Variants in SPATA22 observed in about 807,000 individuals in gnomAD.
SPATA22 encodes spermatogenesis associated 22, also known as spermatogenesis-associated protein 22.
Under a neutral mutation model 47.8 loss-of-function variants are expected in SPATA22, and 29 were observed. The observed-to-expected ratio is 0.61, with a 90% CI of 0.45 to 0.83. The LOEUF (loss-of-function observed/expected upper bound fraction) is 0.83, where lower values mean the gene tolerates loss of function less well. SPATA22 is among the 40% of genes least tolerant of loss of function. The pLI, the probability that SPATA22 is intolerant of heterozygous loss-of-function variation, is 0.00. For synonymous variants in SPATA22, 133 were observed against 140.9 expected (o/e 0.94, Z 0.40); for missense variants, 410 against 421.7 (o/e 0.97, Z 0.24).
rs544964870 is a variant in SPATA22, at chr17:3,489,400, T to C, written c.-73-20002A>G. 4.1e-5 allele frequency: 57 copies of C among 1,393,970 alleles called. No individual in the cohort carries two copies. In the African/African-American group the frequency reaches 6.4e-4, roughly 16 times the overall value. 86.4% of individuals were successfully genotyped at this position (1,393,970 alleles called of 1,614,324 possible). A position where few individuals can be genotyped will look rare whatever the true frequency, so the allele number is the denominator to read the frequency against. On this transcript the variant is annotated intron_variant, in intron 1 of 8. Transcript: ENST00000541913. ...TAACCACCAAACATTTAAATAACAA[T>C]TGGAACCTGGGTCAGATTTGCCATG...
intron 5 of SPATA22, among the ~76,000 whole-genome samples, chr17:3,460,792 C>CAAA (rs71379504): frequency 2.9e-4 from 17 of 59,646 alleles, no homozygotes; most frequent in Middle Eastern, 9.1e-3. Flanking sequence ...GATCCAGTCT[C>CAAA]AAAAAAAAAA....
intron 1 of SPATA22, among the ~76,000 whole-genome samples, chr17:3,497,218 G>T (rs1337875633): frequency 1.3e-5 from 2 of 152,142 alleles, no homozygotes; most frequent in African/African-American, 4.8e-5. Flanking sequence ...ATCTCCACAG[G>T]TGGGGCTAGC....
chr17:3,441,107 G>T (rs573806571), intron 8 of SPATA22: 7 of 151,962 alleles, frequency 4.6e-5, no homozygotes, highest in Non-Finnish European at 1.0e-4. Context: ...AAAGCATTCT[G>T]AAGTTGCTTT....
intron 1 of SPATA22, among the ~76,000 whole-genome samples, chr17:3,493,902 A>G (rs901551786): frequency 1.3e-5 from 2 of 152,130 alleles, no homozygotes; most frequent in African/African-American, 4.8e-5. Flanking sequence ...ATTCAAGGAC[A>G]TCTTTTGGCC....
intron 1 of SPATA22, among the ~76,000 whole-genome samples, chr17:3,480,750 C>A (rs901134536): frequency 8.5e-5 from 13 of 152,314 alleles, no homozygotes; most frequent in Non-Finnish European, 1.6e-4. Flanking sequence ...GGGCTGTTAT[C>A]ATCTTTGTTT....
chr17:3,482,052 T>C (rs1317035816), intron 1 of SPATA22, among the ~76,000 whole-genome samples: 1 of 152,180 alleles, frequency 6.6e-6, no homozygotes, highest in Non-Finnish European at 1.5e-5. Context: ...ACTTGTGGAT[T>C]CTTGTGTCTA....
intron 1 of SPATA22, among the ~76,000 whole-genome samples, chr17:3,469,885 G>A (rs1182261058): frequency 1.3e-5 from 2 of 152,152 alleles, no homozygotes; most frequent in African/African-American, 4.8e-5. Flanking sequence ...CCTGAGGTCA[G>A]GAGTTCAAGA....
chr17:3,450,052 C>T (rs1431855033), intron 5 of SPATA22, among the ~76,000 whole-genome samples: 2 of 152,094 alleles, frequency 1.3e-5, no homozygotes, highest in African/African-American at 2.4e-5. Flanking sequence ...CAGGGTTTCA[C>T]CACGTTGCCC....
intron 1 of SPATA22, among the ~76,000 whole-genome samples, chr17:3,470,563 CAG>C (rs2150735920): frequency 6.6e-6 from 1 of 151,360 alleles, no homozygotes; most frequent in Non-Finnish European, 1.5e-5. Context: ...TCCTGGCTAA[CAG>C]AGGGAAACCC....
chr17:3,479,966 G>C (rs891308570), intron 1 of SPATA22, among the ~76,000 whole-genome samples: 3 of 152,158 alleles, frequency 2.0e-5, no homozygotes, highest in African/African-American at 7.2e-5. Flanking sequence ...TTTGAGAATG[G>C]AAGAAAAACT....
chr17:3,510,056 A>G (rs1004973431), intron 1 of SPATA22, among the ~76,000 whole-genome samples: 8 of 151,892 alleles, frequency 5.3e-5, no homozygotes, highest in Non-Finnish European at 8.8e-5. Context: ...TAAATTCTGG[A>G]TATTAGACCT....
At chr17:3,499,441 C>T (rs971138858) in intron 1 of SPATA22, 12 of 27,496 alleles carry the variant, frequency 4.4e-4, no homozygotes, top group Admixed American at 3.8e-3. Context: ...CTACACTTCA[C>T]GGATACTGTA....
chr17:3,501,121 T>C (rs1173267058), intron 1 of SPATA22: 2 of 151,566 alleles, frequency 1.3e-5, no homozygotes, highest in African/African-American at 4.9e-5. Flanking sequence ...AATCTAACTA[T>C]TTAAGAAATA....
At chr17:3,469,441 A>T in intron 1 of SPATA22, 43 bp from the exon 2 acceptor site, 1 of 760,962 alleles carries the variant, frequency 1.3e-6, no homozygotes, top group Non-Finnish European at 2.1e-6. Context: ...CTCAACTATA[A>T]AACCCAATCC....
chr17:3,457,829 G>T (rs2073031944), intron 5 of SPATA22, among the ~76,000 whole-genome samples: 1 of 152,142 alleles, frequency 6.6e-6, no homozygotes, highest in Middle Eastern at 3.2e-3. Context: ...ACTCAACATG[G>T]ATTAAAGACT....
chr17:3,493,581 A>T (rs962457244), intron 1 of SPATA22, among the ~76,000 whole-genome samples: 1 of 151,218 alleles, frequency 6.6e-6, no homozygotes. Context: ...AAAAAAAAAA[A>T]AAGGAAAGAA....
upstream of SPATA22, among the ~76,000 whole-genome samples, chr17:3,475,038 A>G (rs1365968696): frequency 6.6e-6 from 1 of 152,224 alleles, no homozygotes; most frequent in Non-Finnish European, 1.5e-5. Flanking sequence ...GTGAAAGGAC[A>G]TTATAAATTA....
chr17:3,503,187 A>T (rs1000969862), intron 1 of SPATA22: 2 of 152,192 alleles, frequency 1.3e-5, no homozygotes, highest in African/African-American at 4.8e-5. Flanking sequence ...TTTACCAAAA[A>T]TACTAACATT....
At chr17:3,471,564 G>A in intron 1 of SPATA22, 118 bp downstream of exon 1, 9 of 985,348 alleles carry the variant, frequency 9.1e-6, no homozygotes, top group Non-Finnish European at 1.1e-5. Flanking sequence ...TCAAATGGCG[G>A]CCTGTTTTGG....
Sources: gnomAD v4.1 joint callset for allele counts (sites outside exome capture counted in the v4.1 genomes callset) on GRCh38, gnomAD v4.1.1 for gene constraint, MANE v1.5 for transcripts, NCBI Gene and HGNC (gene_info 2026-07-23, HGNC 2026-07-21) for gene names.